Variants in TBC1D5 observed in about 807,000 individuals in gnomAD.
TBC1D5 encodes TBC1 domain family member 5.
Under a neutral mutation model 100.3 loss-of-function variants are expected in TBC1D5, and 75 were observed. That is an observed-to-expected ratio of 0.75 (90% CI 0.62 to 0.91). The LOEUF (loss-of-function observed/expected upper bound fraction) is 0.91. Among genes scored for constraint, TBC1D5 ranks in the 40% least tolerant of loss-of-function variants. TBC1D5 has a pLI of 0.00. For synonymous variants in TBC1D5, 323 were observed against 325.6 expected, an observed-to-expected ratio of 0.99 and a Z score of 0.09; for missense variants, 910 against 942.4, an observed-to-expected ratio of 0.97 and a Z score of 0.45.
chr3:17,669,414 T>A (rs2067672042), intron 1 of TBC1D5, among the ~76,000 whole-genome samples: 1 of 152,140 alleles, frequency 6.6e-6, no homozygotes, highest in South Asian at 2.1e-4. Flanking sequence ...AAAAGTGAAA[T>A]AATATATATA....
intron 18 of TBC1D5, among the ~76,000 whole-genome samples, chr3:17,204,884 T>C (rs1383281856): frequency 6.6e-6 from 1 of 152,158 alleles, no homozygotes; most frequent in Non-Finnish European, 1.5e-5. Context: ...TTCTTTGCAA[T>C]AGAGTTACAT....
chr3:17,736,490 C>A (rs977900588), intron 1 of TBC1D5, among the ~76,000 whole-genome samples: 3 of 152,130 alleles, frequency 2.0e-5, no homozygotes, highest in Non-Finnish European at 4.4e-5. Context: ...TAAAAGGGGT[C>A]TAGTTTAATG....
chr3:17,501,608 T>C (rs957375718), intron 3 of TBC1D5, among the ~76,000 whole-genome samples: 3 of 148,954 alleles, frequency 2.0e-5, no homozygotes, highest in Non-Finnish European at 2.9e-5. Flanking sequence ...CCTTCTAAAA[T>C]TGTCTACCCT....
At chr3:17,231,932 C>T (rs539019596) in intron 17 of TBC1D5, among the ~76,000 whole-genome samples, 3 of 152,168 alleles carry the variant, frequency 2.0e-5, no homozygotes, top group African/African-American at 7.2e-5. Context: ...AGAGCTGGTT[C>T]CCGACTATGT....
At chr3:17,210,955 A>C (rs748664607) in intron 18 of TBC1D5, among the ~76,000 whole-genome samples, 2 of 152,176 alleles carry the variant, frequency 1.3e-5, no homozygotes, top group Non-Finnish European at 2.9e-5. Flanking sequence ...AAAAATGTAT[A>C]CATTCGAAAA....
At position 17,698,253 on chromosome 3, in the gene TBC1D5, T is replaced by C. The variant is rs534371720; in HGVS notation, c.-101+41090A>G. Among the ~76,000 whole-genome samples the C allele has an allele frequency of 1.1e-3, 162 of 152,326 alleles. 1 individual carries two copies. Among genetic ancestry groups the C allele is most frequent in the African/African-American group, 3.8e-3 (157 of 41,574 alleles). ...AAATAACGCCGCATATCTACAACTA[T>C]CTGATCTTTGACAAACCTGACAAAA... On this transcript the variant is annotated intron_variant, in intron 1 of 21. Transcript: ENST00000253692.
rs527537088 is a variant in TBC1D5, at chr3:17,705,920, G to A, written c.-101+33423C>T. The A allele has an allele frequency of 5.3e-4, 531 of 1,010,480 alleles. 1 individual carries two copies. The highest frequency in any genetic ancestry group is 5.1e-4 in the South Asian group (30 of 58,816). The allele number at this position is 1,010,480 out of a possible 1,614,324, so 62.6% of individuals were successfully genotyped here. ...GCGTCTGCTCCTTGCCCTCGGGCCC[G>A]CGGGGCCCGTCCGCTCCTCCAGCCG... On this transcript the variant is annotated intron_variant, in intron 1 of 21. Coordinates refer to ENST00000253692, the Ensembl canonical transcript of TBC1D5.
chr3:17,503,016 GT>G (rs1560035323), intron 3 of TBC1D5, among the ~76,000 whole-genome samples: 1 of 149,440 alleles, frequency 6.7e-6, no homozygotes, highest in African/African-American at 2.5e-5. Flanking sequence ...TCAGCTTCTA[GT>G]TTTTCCCCCA....
At chr3:17,251,422 GGAACCCCCCCCCCCCCAGTA>G (rs1423387102) in intron 16 of TBC1D5, among the ~76,000 whole-genome samples, 1 of 72,262 alleles carries the variant, frequency 1.4e-5, no homozygotes, top group East Asian at 3.7e-4. Context: ...TATACTCACG[GGAACCCCCCCCCCCCCAGTA>G]GAAGCGATTA....
At chr3:17,603,739 C>T (rs925317803) in intron 2 of TBC1D5, among the ~76,000 whole-genome samples, 8 of 152,016 alleles carry the variant, frequency 5.3e-5, no homozygotes, top group Non-Finnish European at 8.8e-5. Context: ...AATCTCGGGT[C>T]ACTACAACCT....
At position 17,376,553 on chromosome 3, in the gene TBC1D5, G is replaced by A. The variant is rs541295334; in HGVS notation, c.673C>T (p.Leu225=). ...GGCTGTGCAGACTCACTGGCATGTA[G>A]AAAAGCTTGGTGGTCACAGTGAAGG... The change falls in exon 10 of 22, where the codon CTA becomes TTA. Residue 225 remains leucine (L), a synonymous_variant. Coordinates refer to ENST00000253692, the Ensembl canonical transcript of TBC1D5. 5.6e-6 allele frequency: 9 copies of A among 1,612,874 alleles called. No individual in the cohort carries two copies. The South Asian group carries it at 9.9e-5, about 18-fold the overall frequency.
At chr3:17,446,970 C>CA (rs559803528) in intron 3 of TBC1D5, among the ~76,000 whole-genome samples, 9,854 of 124,070 alleles carry the variant, frequency 0.079, 635 homozygotes, top group African/African-American at 0.2. Context: ...GACTCCAACT[C>CA]AAAAAAAAAA....
intron 18 of TBC1D5, among the ~76,000 whole-genome samples, chr3:17,212,370 G>A (rs1460831812): frequency 6.6e-6 from 1 of 152,080 alleles, no homozygotes; most frequent in South Asian, 2.1e-4. Context: ...CCTACTGTGC[G>A]GCCAGTCATA....
At chr3:17,461,409 A>G (rs1576128014) in intron 3 of TBC1D5, among the ~76,000 whole-genome samples, 1 of 152,214 alleles carries the variant, frequency 6.6e-6, no homozygotes, top group African/African-American at 2.4e-5. Context: ...TAACTTCAGT[A>G]TCTGATAGTT....
exon 16 of TBC1D5, chr3:17,258,572 G>A (rs200870841): frequency 3.3e-4 from 537 of 1,612,398 alleles, no homozygotes; most frequent in Non-Finnish European, 4.2e-4. Context: ...GAATTGATAA[G>A]TCACTGGTCT....
chr3:17,533,142 G>A (rs773682611), intron 2 of TBC1D5, among the ~76,000 whole-genome samples: 1 of 151,186 alleles, frequency 6.6e-6, no homozygotes, highest in Non-Finnish European at 1.5e-5. Flanking sequence ...AATATTCTCA[G>A]ATATAACTTT....
chr3:17,408,908 T>A (rs375774322), intron 4 of TBC1D5, among the ~76,000 whole-genome samples: 6 of 152,282 alleles, frequency 3.9e-5, no homozygotes, highest in African/African-American at 1.4e-4. Context: ...GGGGCTTTTT[T>A]CCCCATTTTA....
intron 1 of TBC1D5, among the ~76,000 whole-genome samples, chr3:17,637,765 T>C (rs1376113586): frequency 6.6e-6 from 1 of 152,182 alleles, no homozygotes; most frequent in Non-Finnish European, 1.5e-5. Context: ...TGTTATCACG[T>C]ACCACTGGGG....
chr3:17,735,329 T>C (rs1313876282), intron 1 of TBC1D5, among the ~76,000 whole-genome samples: 4 of 152,188 alleles, frequency 2.6e-5, no homozygotes, highest in Non-Finnish European at 2.9e-5. Flanking sequence ...AAAAGTTACG[T>C]AGAAAACTAA....
Sources: allele counts gnomAD v4.1 joint callset (sites outside exome capture counted in the v4.1 genomes callset), GRCh38; gene constraint gnomAD v4.1.1; transcripts MANE v1.5; gene names NCBI Gene and HGNC (gene_info 2026-07-23, HGNC 2026-07-21).